DGLUCY: variants seen among roughly 807,000 people sequenced by gnomAD.
DGLUCY encodes the protein D-glutamate cyclase, mitochondrial.
In DGLUCY, 58 loss-of-function variants were observed where a neutral mutation model predicts 58.5. That is an observed-to-expected ratio of 0.99 (90% CI 0.80 to 1.23). The LOEUF (loss-of-function observed/expected upper bound fraction) is 1.23, where lower values mean the gene tolerates loss of function less well. Ranked by LOEUF, DGLUCY falls within the 50% of genes most tolerant of loss-of-function variation. The pLI is 0.00. For synonymous variants in DGLUCY, 325 were observed against 314.1 expected, an observed-to-expected ratio of 1.03 and a Z score of -0.37; for missense variants, 779 against 784.7, an observed-to-expected ratio of 0.99 and a Z score of 0.09.
chr14:91,088,853 T>C (rs1272829990), intron 1 of DGLUCY, among the ~76,000 whole-genome samples: 3 of 152,210 alleles, frequency 2.0e-5, no homozygotes, highest in Non-Finnish European at 4.4e-5. Flanking sequence ...TATCTTTCCT[T>C]GGGGACCCCG....
chr14:91,072,755 C>T (rs967513168), intron 1 of DGLUCY, among the ~76,000 whole-genome samples: 4 of 152,000 alleles, frequency 2.6e-5, no homozygotes, highest in Admixed American at 2.6e-4. Flanking sequence ...GGTGCGGTGG[C>T]TCATGCCTGT....
intron 1 of DGLUCY, among the ~76,000 whole-genome samples, chr14:91,121,830 G>T (rs564261391): frequency 1.3e-3 from 198 of 152,228 alleles, no homozygotes; most frequent in African/African-American, 4.3e-3. Flanking sequence ...CTACCCTTAA[G>T]AGGTTCACAG....
chr14:91,101,821 A>G (rs2044491854), intron 1 of DGLUCY, among the ~76,000 whole-genome samples: 1 of 152,192 alleles, frequency 6.6e-6, no homozygotes, highest in South Asian at 2.1e-4. Flanking sequence ...CAGCCTCTCA[A>G]GTGGCTGGAA....
chr14:91,116,661 A>G (rs1173849355), intron 1 of DGLUCY, among the ~76,000 whole-genome samples: 1 of 152,050 alleles, frequency 6.6e-6, no homozygotes, highest in Non-Finnish European at 1.5e-5. Flanking sequence ...AAGTAAAGGA[A>G]TAGGCCGGGC....
At chr14:91,138,511 A>T (rs2046466847) in intron 1 of DGLUCY, among the ~76,000 whole-genome samples, 1 of 152,166 alleles carries the variant, frequency 6.6e-6, no homozygotes, top group Non-Finnish European at 1.5e-5. Context: ...AAAAGAAAAA[A>T]AGAAATATTC....
upstream of DGLUCY, among the ~76,000 whole-genome samples, chr14:91,111,248 G>GTGTGTGTATATATA (rs1555391921): frequency 3.7e-5 from 3 of 81,154 alleles, no homozygotes; most frequent in African/African-American, 1.3e-4. Flanking sequence ...GTGTGTGTGT[G>GTGTGTGTATATATA]TATATATCTA....
chr14:91,223,841 CT>C, intron 13 of DGLUCY: 1 of 474,872 alleles, frequency 2.1e-6, no homozygotes, highest in South Asian at 2.1e-5. Flanking sequence ...ATGATGAGTA[CT>C]TTTATCATCA....
chr14:91,130,744 A>G lies in DGLUCY; in HGVS notation c.-82+16461A>G, dbSNP rs567160212. Among the ~76,000 whole-genome samples, 17 of 151,556 alleles carry G rather than the reference A, an allele frequency of 1.1e-4. No individual in the cohort carries two copies. In the East Asian group the frequency reaches 2.9e-3, roughly 26 times the overall value. ...AGCGATCTTACCACCTCAGCCTCCC[A>G]AGTAGTTGGGACCACAGATGTGCAC... is the stretch of plus-strand genomic sequence containing the variant. On this transcript the variant is annotated intron_variant, in intron 1 of 13. Coordinates refer to ENST00000256324, the MANE Select transcript of DGLUCY (RefSeq NM_001102368.3).
intron 12 of DGLUCY, among the ~76,000 whole-genome samples, chr14:91,214,347 A>C (rs937970471): frequency 6.6e-6 from 1 of 152,212 alleles, no homozygotes; most frequent in Admixed American, 6.5e-5. Context: ...GAACTCAAGC[A>C]GGTTTCAGGG....
At chr14:91,113,510 T>C (rs1488439892), upstream of DGLUCY, among the ~76,000 whole-genome samples, 4 of 152,104 alleles carry the variant, frequency 2.6e-5, no homozygotes, top group Admixed American at 6.6e-5. Flanking sequence ...ATTATCTCAG[T>C]CAATCGTCAG....
At chr14:91,151,537 T>G (rs187948559) in intron 1 of DGLUCY, among the ~76,000 whole-genome samples, 134 of 149,566 alleles carry the variant, frequency 9.0e-4, no homozygotes, top group Non-Finnish European at 1.0e-3. Context: ...TGAGCCACCA[T>G]GCCTGGCCTA....
At chr14:91,186,063 A>G (rs1157364992) in intron 8 of DGLUCY, among the ~76,000 whole-genome samples, 2 of 152,098 alleles carry the variant, frequency 1.3e-5, no homozygotes, top group African/African-American at 4.8e-5. Context: ...GTGCCTGGGG[A>G]ATATGAAGGG....
At chr14:91,110,430 C>CTTTTTTTT (rs10711938), upstream of DGLUCY, among the ~76,000 whole-genome samples, 1 of 88,086 alleles carries the variant, frequency 1.1e-5, no homozygotes, top group African/African-American at 4.3e-5. Context: ...TTCTTTCTTT[C>CTTTTTTTT]TTTTTTTTTT....
chr14:91,102,085 T>TA (rs2044497282), intron 1 of DGLUCY, among the ~76,000 whole-genome samples: 1 of 152,158 alleles, frequency 6.6e-6, no homozygotes, highest in African/African-American at 2.4e-5. Flanking sequence ...ATATCTCAGT[T>TA]ACCTTGATTT....
intron 1 of DGLUCY, among the ~76,000 whole-genome samples, chr14:91,066,040 G>C (rs1408636070): frequency 2.6e-5 from 4 of 152,232 alleles, no homozygotes; most frequent in Non-Finnish European, 5.9e-5. Flanking sequence ...GGCCAGAAGA[G>C]TAATCAAGAA....
At chr14:91,077,154 G>A (rs944776607) in intron 1 of DGLUCY, among the ~76,000 whole-genome samples, 1 of 151,962 alleles carries the variant, frequency 6.6e-6, no homozygotes, top group Non-Finnish European at 1.5e-5. Flanking sequence ...GCTGAGGTGT[G>A]AGGATCACTT....
rs1888049950 is a variant in DGLUCY at position 91,225,530 on chromosome 14, A to G, written c.*697A>G. 2 of 151,956 alleles carry G rather than the reference A, an allele frequency of 1.3e-5. No homozygotes were observed. The highest frequency in any genetic ancestry group is 2.4e-5 in the African/African-American group (1 of 41,350). The allele number at this position is 151,956 out of a possible 1,614,324, so 9.4% of individuals were successfully genotyped here. ...GGTATTGCAGTGCTTATATTCAAGA[A>G]CCTCTTATGTGACTCAGTAATGTCC... On this transcript the variant is annotated 3_prime_UTR_variant, in exon 14 of 14. Transcript: ENST00000256324.
intron 9 of DGLUCY, 27 bp downstream of exon 9, chr14:91,189,197 T>C: frequency 6.2e-7 from 1 of 1,611,894 alleles, no homozygotes; most frequent in Non-Finnish European, 8.5e-7. Context: ...GCTTGGTCCA[T>C]TTCCCCAAAC....
intron 1 of DGLUCY, among the ~76,000 whole-genome samples, chr14:91,125,170 A>G (rs778034648): frequency 6.6e-5 from 10 of 152,130 alleles, no homozygotes; most frequent in Admixed American, 1.3e-4. Flanking sequence ...CCTTTGTTCT[A>G]TATACTCATG....
Sources: allele counts gnomAD v4.1 joint callset (sites outside exome capture counted in the v4.1 genomes callset), GRCh38; gene constraint gnomAD v4.1.1; transcripts MANE v1.5; gene names NCBI Gene and HGNC (gene_info 2026-07-23, HGNC 2026-07-21).